SFI1: variants seen among roughly 807,000 people sequenced by gnomAD.
SFI1 encodes SFI1 centrin binding protein.
Under a neutral mutation model 207.5 loss-of-function variants are expected in SFI1, and 195 were observed. That is an observed-to-expected ratio of 0.94 (90% confidence interval 0.84 to 1.06). The LOEUF (loss-of-function observed/expected upper bound fraction) is 1.06, where lower values mean the gene tolerates loss of function less well. Ranked by LOEUF, SFI1 falls within the 50% of genes least tolerant of loss-of-function variation. SFI1 has a pLI of 0.00. For synonymous variants in SFI1, 630 were observed against 598.9 expected (o/e 1.05, Z -0.76); for missense variants, 1,634 against 1,588.0 (o/e 1.03, Z -0.49).
intron 2 of SFI1, among the ~76,000 whole-genome samples, chr22:31,518,536 A>C (rs969122915): frequency 1.3e-5 from 2 of 152,140 alleles, no homozygotes; most frequent in African/African-American, 4.8e-5. Flanking sequence ...CTTCCTGGTC[A>C]GTTTCACTGG....
At chr22:31,559,970 T>G (rs1453147008) in intron 7 of SFI1, 1 of 424,424 alleles carries the variant, frequency 2.4e-6, no homozygotes, top group African/African-American at 2.0e-5. Context: ...AATAAGTAGT[T>G]TATATACCTA....
Position 31,604,333 on chromosome 22 carries a change from C to T in SFI1, c.1906C>T (p.Arg636Trp), listed in dbSNP as rs540210849. The T allele has an allele frequency of 2.7e-5, 43 of 1,579,802 alleles. No homozygotes were observed. In the South Asian group the frequency reaches 2.8e-4, roughly 10 times the overall value. The change falls in exon 19 of 33, where the codon CGG (arginine) becomes TGG (tryptophan). Residue 636 changes from arginine (R) to tryptophan (W), a missense_variant. By Grantham distance (101) the Arg-to-Trp change is moderately radical. Transcript: ENST00000400288. The part of the protein sequence containing the change: ...RECLALRGAE[R>W]QKLMRADLHH... ...GTGCCTGGCCCTGCGGGGAGCGGAG[C>T]GGCAGAAGCTGATGCGAGCAGACCT...
chr22:31,617,208 G>A (rs2071728337), intron 31 of SFI1, 130 bp downstream of exon 31: 1 of 907,468 alleles, frequency 1.1e-6, no homozygotes, highest in East Asian at 2.6e-5. Context: ...TAGCCATGGA[G>A]GGGTGTGGGG....
At chr22:31,500,449 T>A (rs967320494) in intron 1 of SFI1, among the ~76,000 whole-genome samples, 2 of 151,978 alleles carry the variant, frequency 1.3e-5, no homozygotes, top group Non-Finnish European at 2.9e-5. Context: ...AGCAATAAGG[T>A]GTTTTTATTT....
intron 15 of SFI1, among the ~76,000 whole-genome samples, chr22:31,593,987 C>CGAGGGAGAGGGAGAGGGAGAGGGA (rs553687009): frequency 2.3e-4 from 12 of 53,162 alleles, no homozygotes; most frequent in African/African-American, 5.9e-4. Context: ...GAGACGGAGA[C>CGAGGGAGAGGGAGAGGGAGAGGGA]GAGGGAGAGG....
At position 31,602,178 on chromosome 22, in the gene SFI1, T is replaced by C. The variant is rs755832937; in HGVS notation, c.1545-34T>C. On this transcript the variant is annotated intron_variant, in intron 15 of 32. Coordinates refer to ENST00000400288, the MANE Select transcript of SFI1 (RefSeq NM_001007467.3). ...CTGTTTGGGTTAATTTTTATGTTTGTTTTAAGTGCTTTACATTCTTCCTTG... is the reference window on the plus strand; with the variant it reads ...CTGTTTGGGTTAATTTTTATGTTTGCTTTAAGTGCTTTACATTCTTCCTTG... The C allele has an allele frequency of 9.6e-6, 15 of 1,561,184 alleles. No homozygotes were observed. The South Asian group carries it at 1.7e-4, about 17-fold the overall frequency.
intron 24 of SFI1, chr22:31,612,064 C>CTA: frequency 7.7e-7 from 1 of 1,305,850 alleles, no homozygotes; most frequent in East Asian, 3.4e-5. Flanking sequence ...GTTTCTCTCT[C>CTA]TACAGTGTTG....
chr22:31,547,040 T>A (rs2060158835), intron 5 of SFI1, 69 bp downstream of exon 5: 1 of 1,198,762 alleles, frequency 8.3e-7, no homozygotes, highest in African/African-American at 1.5e-5. Flanking sequence ...TGTTGGCGTG[T>A]TTATGGTCAA....
At chr22:31,521,359 C>G (rs1366591886) in intron 2 of SFI1, 2 of 163,940 alleles carry the variant, frequency 1.2e-5, no homozygotes, top group Admixed American at 1.3e-4. Context: ...ACCTTTAAAT[C>G]TTTTGGTGCC....
intron 2 of SFI1, among the ~76,000 whole-genome samples, chr22:31,524,590 T>C (rs999275995): frequency 6.6e-6 from 1 of 151,958 alleles, no homozygotes; most frequent in African/African-American, 2.4e-5. Flanking sequence ...GCTTGGCCAA[T>C]TTTTTGTAGA....
intron 2 of SFI1, 58 bp from the exon 3 acceptor site, chr22:31,528,632 G>T (rs2058165846): frequency 6.8e-7 from 1 of 1,471,750 alleles, no homozygotes; most frequent in Non-Finnish European, 9.4e-7. Context: ...AAAAGTATTT[G>T]CATCACATGC....
intron 10 of SFI1, among the ~76,000 whole-genome samples, chr22:31,576,027 C>CTTT (rs543573453): frequency 2.1e-5 from 3 of 142,206 alleles, no homozygotes; most frequent in East Asian, 4.1e-4. Context: ...TGTACATATT[C>CTTT]TTTTTTTTTT....
chr22:31,612,174 C>G (rs896626734), intron 24 of SFI1: 5 of 601,370 alleles, frequency 8.3e-6, no homozygotes, highest in Admixed American at 6.1e-5. Context: ...GTCAGGAGAT[C>G]GAGACCATCC....
chr22:31,594,058 A>T (rs2066665484), intron 15 of SFI1, among the ~76,000 whole-genome samples: 1 of 151,562 alleles, frequency 6.6e-6, no homozygotes, highest in African/African-American at 2.4e-5. Context: ...AAGGGCTTTC[A>T]AAACAGCCTG....
At chr22:31,564,511 G>C (rs1173272088) in intron 8 of SFI1, among the ~76,000 whole-genome samples, 2 of 151,548 alleles carry the variant, frequency 1.3e-5, no homozygotes, top group Non-Finnish European at 2.9e-5. Flanking sequence ...TTTTTTTTAA[G>C]TTATTTTTTG....
chr22:31,595,433 G>A (rs1365614426), intron 15 of SFI1, among the ~76,000 whole-genome samples: 2 of 152,254 alleles, frequency 1.3e-5, no homozygotes, highest in Non-Finnish European at 2.9e-5. Flanking sequence ...CCTTTTCACA[G>A]TGATTCTGAG....
At chr22:31,596,305 C>G (rs2067105852) in intron 15 of SFI1, among the ~76,000 whole-genome samples, 2 of 151,996 alleles carry the variant, frequency 1.3e-5, no homozygotes, top group South Asian at 4.1e-4. Context: ...ATCTGGAGGG[C>G]TTTGAATGCT....
At chr22:31,596,783 CAAAA>C (rs11427119) in intron 15 of SFI1, among the ~76,000 whole-genome samples, 1 of 111,570 alleles carries the variant, frequency 9.0e-6, no homozygotes, top group Non-Finnish European at 1.8e-5. Context: ...GATTCCATCT[CAAAA>C]AAAAAAAAAA....
chr22:31,503,073 A>AAAAG (rs1601803904), intron 1 of SFI1, among the ~76,000 whole-genome samples: 1 of 148,372 alleles, frequency 6.7e-6, no homozygotes, highest in African/African-American at 2.5e-5. Flanking sequence ...AAAAAAAAAA[A>AAAAG]GGTGTAACTG....
Sources: allele counts gnomAD v4.1 joint callset (sites outside exome capture counted in the v4.1 genomes callset), GRCh38; gene constraint gnomAD v4.1.1; transcripts MANE v1.5; gene names NCBI Gene and HGNC (gene_info 2026-07-23, HGNC 2026-07-21).